The following PPP2R2D variants were observed in gnomAD, a reference collection of about 807,000 sequenced individuals.
The protein encoded by PPP2R2D is protein phosphatase 2 regulatory subunit Bdelta.
PPP2R2D carries 9 observed loss-of-function variants against 31.1 expected under a neutral mutation model. The ratio of observed to expected loss-of-function variants is 0.29; its 90% CI spans 0.17 to 0.51. The LOEUF (loss-of-function observed/expected upper bound fraction) is 0.51, where lower values mean the gene tolerates loss of function less well. Among genes scored for constraint, PPP2R2D ranks in the 20% least tolerant of loss-of-function variants. The pLI is 0.98. For missense variants in PPP2R2D, 391 were observed against 465.6 expected, an observed-to-expected ratio of 0.84 and a Z score of 1.48; for synonymous variants, 179 against 172.6, an observed-to-expected ratio of 1.04 and a Z score of -0.29.
intron 2 of PPP2R2D, among the ~76,000 whole-genome samples, chr10:131,927,488 G>C (rs2036129133): frequency 6.6e-6 from 1 of 152,178 alleles, no homozygotes. Context: ...ACGGATAGCT[G>C]CTTGGGCCTG....
At chr10:131,929,082 C>G (rs1018817211) in intron 2 of PPP2R2D, among the ~76,000 whole-genome samples, 9 of 152,334 alleles carry the variant, frequency 5.9e-5, no homozygotes, top group South Asian at 2.1e-4. Context: ...TCTGGATCTC[C>G]TGAAGGCTGA....
chr10:131,943,629 GC>G (rs2036480823), intron 5 of PPP2R2D, among the ~76,000 whole-genome samples: 1 of 152,200 alleles, frequency 6.6e-6, no homozygotes, highest in Admixed American at 6.5e-5. Flanking sequence ...GGAGGACTTT[GC>G]TGTCCAGCGC....
At chr10:131,917,645 A>G (rs1441763871) in intron 2 of PPP2R2D, among the ~76,000 whole-genome samples, 13 of 111,232 alleles carry the variant, frequency 1.2e-4, no homozygotes, top group South Asian at 7.1e-4. Context: ...AGGCGGGTGG[A>G]ATGACACAGT....
intron 5 of PPP2R2D, among the ~76,000 whole-genome samples, 181 bp from the exon 6 acceptor site, chr10:131,943,787 G>A (rs1554897520): frequency 1.3e-5 from 2 of 152,208 alleles, no homozygotes; most frequent in African/African-American, 4.8e-5. Context: ...GGAATAGACA[G>A]TATTCCATTT....
At chr10:131,924,594 G>A (rs2036063905) in intron 2 of PPP2R2D, among the ~76,000 whole-genome samples, 1 of 151,774 alleles carries the variant, frequency 6.6e-6, no homozygotes, top group Admixed American at 6.6e-5. Context: ...TTGAAATCAG[G>A]AAGTGTCAGT....
intron 2 of PPP2R2D, among the ~76,000 whole-genome samples, chr10:131,924,656 C>A (rs2036065427): frequency 6.6e-6 from 1 of 151,076 alleles, no homozygotes; most frequent in South Asian, 2.1e-4. Flanking sequence ...GAGTCCCTTG[C>A]ACTTCCATAT....
At chr10:131,905,765 A>G (rs1407026171) in intron 2 of PPP2R2D, among the ~76,000 whole-genome samples, 2 of 152,208 alleles carry the variant, frequency 1.3e-5, no homozygotes, top group Non-Finnish European at 1.5e-5. Flanking sequence ...AGCCACGCCG[A>G]CTGGCCGCAG....
chr10:131,945,459 T>G lies in PPP2R2D; in HGVS notation c.820T>G (p.Phe274Val). ...GGCCCTGTGCGACAGACACTCCAAG[T>G]GTAAGTGCGTCTGTTGTTGAGATGG... ...SSALCDRHSKFFEEPEDPSSR... is the reference protein window; with the variant it reads ...SSALCDRHSKVFEEPEDPSSR... The change falls in exon 7 of 9, where the codon TTT becomes GTT. Residue 274 changes from phenylalanine (F) to valine (V), a missense_variant and splice_region_variant. By Grantham distance (50) the Phe-to-Val change is conservative. Transcript: ENST00000455566. This position sits in a 1 kb window ranked among gnomAD's most constrained non-coding sequence, Gnocchi z 4.8. 1 of 1,604,746 alleles carries G rather than the reference T, an allele frequency of 6.2e-7. No individual in the cohort carries two copies. The highest frequency in any genetic ancestry group is 8.5e-7 in the Non-Finnish European group (1 of 1,173,666).
rs957156868 is a variant in PPP2R2D at position 131,935,148 on chromosome 10, G to A, written c.198+593G>A. On this transcript the variant is annotated intron_variant, in intron 3 of 8. Coordinates refer to ENST00000455566, the MANE Select transcript of PPP2R2D (RefSeq NM_018461.5). The stretch of plus-strand genomic sequence containing the variant: ...CCGGTCACGGCACTGCCTTTTCACT[G>A]ATGCCTTGCCAGCCCCCTCCCTCTT... The A allele has an allele frequency of 5.8e-5, 20 of 347,676 alleles. No homozygotes were observed. The East Asian group carries it at 1.5e-3, about 26-fold the overall frequency. The allele number at this position is 347,676 out of a possible 1,614,324, so 21.5% of individuals were successfully genotyped here.
chr10:131,967,082 T>C, the PPP2R2D span: 2 of 152,196 alleles, frequency 1.3e-5, no homozygotes, highest in African/African-American at 4.8e-5. Flanking sequence ...GGTTTCATCA[T>C]GTTGGCCAGG....
chr10:131,911,386 T>C (rs1466875022), intron 2 of PPP2R2D, among the ~76,000 whole-genome samples: 3 of 152,250 alleles, frequency 2.0e-5, no homozygotes, highest in Non-Finnish European at 4.4e-5. Context: ...AACTGTACCG[T>C]GTGCTTTTTC....
chr10:131,963,749 A>G (rs2036949528), downstream of PPP2R2D, among the ~76,000 whole-genome samples: 1 of 151,942 alleles, frequency 6.6e-6, no homozygotes, highest in Non-Finnish European at 1.5e-5. Context: ...GGTATCTTCT[A>G]TTTATTTTCC....
intron 2 of PPP2R2D, among the ~76,000 whole-genome samples, chr10:131,925,031 T>TA (rs755851938): frequency 1.3e-5 from 2 of 152,250 alleles, no homozygotes; most frequent in Non-Finnish European, 2.9e-5. Flanking sequence ...ACCTGTTTAT[T>TA]ATCTCTGATA....
intron 2 of PPP2R2D, among the ~76,000 whole-genome samples, chr10:131,927,653 G>A (rs566461621): frequency 7.0e-4 from 107 of 152,196 alleles, no homozygotes; most frequent in Non-Finnish European, 1.1e-3. Context: ...CCCTCCCTCC[G>A]GGGCAGCTCC....
chr10:131,940,774 C>T lies in PPP2R2D; in HGVS notation c.477+80C>T, dbSNP rs782298231. On this transcript the variant is annotated intron_variant, in intron 5 of 8. Transcript: ENST00000455566. ...TCAGTCTGCTGTCTGGAGAGTGCTG[C>T]GCGGTGGAGTACTGTGAGGTCTGCT... 1.2e-5 allele frequency: 8 copies of T among 690,336 alleles called. No homozygotes were observed. In the Middle Eastern group the frequency reaches 7.1e-4, roughly 61 times the overall value. 42.8% of individuals were successfully genotyped at this position (690,336 alleles called of 1,614,324 possible).
intron 2 of PPP2R2D, among the ~76,000 whole-genome samples, 176 bp downstream of exon 2, chr10:131,901,506 C>T (rs1295989309): frequency 6.6e-6 from 1 of 151,684 alleles, no homozygotes; most frequent in African/African-American, 2.4e-5. Context: ...GTCCTCTGTC[C>T]GCTGTCCCGG....
intron 2 of PPP2R2D, among the ~76,000 whole-genome samples, chr10:131,927,367 AC>A (rs1554895071): frequency 6.6e-6 from 1 of 152,136 alleles, no homozygotes; most frequent in South Asian, 2.1e-4. Flanking sequence ...CAAGTTTCAG[AC>A]TAAGAGGATG....
At chr10:131,911,089 CTGAT>C (rs1445797471) in intron 2 of PPP2R2D, among the ~76,000 whole-genome samples, 1 of 152,196 alleles carries the variant, frequency 6.6e-6, no homozygotes, top group African/African-American at 2.4e-5. Context: ...TGTGGACACT[CTGAT>C]TGATAGCCAG....
At chr10:131,933,653 TC>T (rs1377252674) in intron 2 of PPP2R2D, among the ~76,000 whole-genome samples, 1 of 151,294 alleles carries the variant, frequency 6.6e-6, no homozygotes, top group Non-Finnish European at 1.5e-5. Flanking sequence ...GTCATGGAAC[TC>T]CCCCTGAAAA....
Sources: gnomAD v4.1 joint callset for allele counts (sites outside exome capture counted in the v4.1 genomes callset) on GRCh38, gnomAD v4.1.1 for gene constraint, Gnocchi (gnomAD v3.1) non-coding constraint, MANE v1.5 for transcripts, NCBI Gene and HGNC (gene_info 2026-07-23, HGNC 2026-07-21) for gene names.